Variants in SLC4A4 observed in about 807,000 individuals in gnomAD.
SLC4A4 encodes the protein solute carrier family 4 member 4.
In SLC4A4, 27 loss-of-function variants were observed where a neutral mutation model predicts 111.5. The ratio of observed to expected loss-of-function variants is 0.24; its 90% confidence interval spans 0.18 to 0.33. The LOEUF (loss-of-function observed/expected upper bound fraction) is 0.33. Among genes scored for constraint, SLC4A4 ranks in the 10% least tolerant of loss-of-function variants. The probability of loss-of-function intolerance (pLI) is 1.00; values close to 1 mark genes in which losing one functional copy is unlikely to be tolerated. For missense variants in SLC4A4, 909 were observed against 1,315.5 expected, an observed-to-expected ratio of 0.69 and a Z score of 4.78; for synonymous variants, 443 against 463.4, an observed-to-expected ratio of 0.96 and a Z score of 0.57.
At chr4:71,461,651 A>C (rs893579214) in intron 12 of SLC4A4, among the ~76,000 whole-genome samples, 31 of 152,238 alleles carry the variant, frequency 2.0e-4, no homozygotes, top group South Asian at 1.4e-3. Context: ...GTTGGCTTTT[A>C]ATTTTTTTTA....
intron 15 of SLC4A4, among the ~76,000 whole-genome samples, chr4:71,490,840 C>T (rs1269142290): frequency 6.6e-6 from 1 of 151,692 alleles, no homozygotes; most frequent in African/African-American, 2.4e-5. Flanking sequence ...ATTAAAAATT[C>T]GTTAAATAGA....
Position 71,147,144 on chromosome 4 carries a change from G to A in SLC4A4, c.-2+54352G>A, listed in dbSNP as rs140427406. Among the ~76,000 whole-genome samples, 414 of 152,246 alleles carry A rather than the reference G, an allele frequency of 2.7e-3. 1 individual carries two copies. The highest frequency in any genetic ancestry group is 9.7e-3 in the African/African-American group (404 of 41,544). On this transcript the variant is annotated intron_variant, in intron 2 of 26. Coordinates refer to the SLC4A4 transcript ENST00000649996. ...AGAAAGATCAAAAGAGACAAAGAAG[G>A]CCATTACATAATGGTAAACAAACTT...
At chr4:71,353,424 T>G (rs1352243057) in intron 5 of SLC4A4, among the ~76,000 whole-genome samples, 2 of 152,136 alleles carry the variant, frequency 1.3e-5, no homozygotes, top group Admixed American at 6.5e-5. Context: ...AAGGGCCAGA[T>G]TTCCAGAAGT....
intron 4 of SLC4A4, among the ~76,000 whole-genome samples, chr4:71,341,786 G>A (rs560437109): frequency 6.6e-6 from 1 of 152,130 alleles, no homozygotes; most frequent in South Asian, 2.1e-4. Context: ...ATTTGATAAT[G>A]GGGGAGAAGT....
chr4:71,545,452 C>T (rs1234816017), intron 18 of SLC4A4, among the ~76,000 whole-genome samples: 3 of 151,990 alleles, frequency 2.0e-5, no homozygotes, highest in Non-Finnish European at 4.4e-5. Flanking sequence ...ATGGACTGCT[C>T]TATTTTCTCA....
At chr4:71,253,494 A>C (rs765319527) in intron 2 of SLC4A4, among the ~76,000 whole-genome samples, 3 of 152,116 alleles carry the variant, frequency 2.0e-5, no homozygotes, top group Non-Finnish European at 4.4e-5. Context: ...TCAACCTCTT[A>C]ATTTGTGTGT....
chr4:71,494,358 GGCTGGCATATA>G (rs1223942544), intron 15 of SLC4A4, among the ~76,000 whole-genome samples: 2 of 151,988 alleles, frequency 1.3e-5, no homozygotes, highest in African/African-American at 4.8e-5. Flanking sequence ...CTGTAGCCCA[GGCTGGCATATA>G]GCGGCACAAT....
chr4:71,259,155 G>A (rs1721669031), intron 3 of SLC4A4, among the ~76,000 whole-genome samples: 1 of 152,092 alleles, frequency 6.6e-6, no homozygotes, highest in Admixed American at 6.6e-5. Flanking sequence ...AAACATGAAA[G>A]GGCATTTATA....
At chr4:71,511,288 GTAA>G (rs1273478280) in intron 16 of SLC4A4, among the ~76,000 whole-genome samples, 1 of 152,004 alleles carries the variant, frequency 6.6e-6, no homozygotes, top group African/African-American at 2.4e-5. Context: ...AGCATTTCTT[GTAA>G]TACAGGTCTG....
intron 13 of SLC4A4, among the ~76,000 whole-genome samples, chr4:71,467,957 G>C (rs1727532306): frequency 6.6e-6 from 1 of 151,914 alleles, no homozygotes; most frequent in African/African-American, 2.4e-5. Flanking sequence ...AGTACATCAT[G>C]GACTTATGGA....
chr4:71,537,273 T>A (rs1239618718), intron 18 of SLC4A4, among the ~76,000 whole-genome samples: 1 of 103,984 alleles, frequency 9.6e-6, no homozygotes, highest in East Asian at 2.5e-4. Flanking sequence ...TGAGTTAATA[T>A]ATAATACAAA....
chr4:71,147,331 C>T (rs1018506696), intron 2 of SLC4A4, among the ~76,000 whole-genome samples: 1 of 152,094 alleles, frequency 6.6e-6, no homozygotes, highest in Non-Finnish European at 1.5e-5. Flanking sequence ...TTCCCCTGCT[C>T]TTCCTGTCTT....
At chr4:71,359,355 G>A (rs528505447) in intron 6 of SLC4A4, among the ~76,000 whole-genome samples, 3 of 152,256 alleles carry the variant, frequency 2.0e-5, no homozygotes, top group South Asian at 4.2e-4. Flanking sequence ...TCTGAAGTGT[G>A]GAATATGATT....
Position 71,536,457 on chromosome 4 carries a change from C to CATATATAT in SLC4A4, c.2442+2076_2442+2077insTATATATA, listed in dbSNP as rs1238920856. Among the ~76,000 whole-genome samples, 272 of 31,346 alleles carry CATATATAT rather than the reference C, an allele frequency of 8.7e-3. 12 individuals carry two copies. Among genetic ancestry groups the CATATATAT allele is most frequent in the East Asian group, 0.012 (6 of 492 alleles). The allele number at this position is 31,346 out of a possible 152,430, so 20.6% of individuals were successfully genotyped here. The stretch of plus-strand genomic sequence containing the variant: ...TCATTTAAGCATATATACATATATA[C>CATATATAT]ATATATACATATATATATATATATA... On this transcript the variant is annotated intron_variant, in intron 18 of 25. Coordinates refer to ENST00000264485, the MANE Select transcript of SLC4A4 (RefSeq NM_001098484.3).
intron 23 of SLC4A4, among the ~76,000 whole-genome samples, chr4:71,563,436 G>A (rs1275423627): frequency 6.6e-6 from 1 of 151,764 alleles, no homozygotes; most frequent in African/African-American, 2.4e-5. Context: ...TATAACCTGG[G>A]AAGTTTCCTA....
intron 3 of SLC4A4, among the ~76,000 whole-genome samples, chr4:71,274,412 G>C (rs957750354): frequency 1.3e-5 from 2 of 152,150 alleles, no homozygotes; most frequent in Non-Finnish European, 2.9e-5. Context: ...TGTGCCATAT[G>C]AGATTTCCCA....
intron 15 of SLC4A4, among the ~76,000 whole-genome samples, chr4:71,495,671 A>C (rs991852105): frequency 2.6e-5 from 4 of 152,132 alleles, no homozygotes; most frequent in Non-Finnish European, 5.9e-5. Context: ...TACTCATATC[A>C]TGACAATTCA....
intron 2 of SLC4A4, among the ~76,000 whole-genome samples, chr4:71,173,537 C>T (rs546087430): frequency 2.1e-3 from 315 of 152,112 alleles, no homozygotes; most frequent in African/African-American, 7.2e-3. Flanking sequence ...CATGCCACCA[C>T]GCCAGGCTAA....
chr4:71,087,561 T>C (rs1742221744), intron 1 of SLC4A4, among the ~76,000 whole-genome samples: 1 of 152,072 alleles, frequency 6.6e-6, no homozygotes, highest in Non-Finnish European at 1.5e-5. Flanking sequence ...AATTTCCCCC[T>C]ACACACTGCT....
Sources: allele counts gnomAD v4.1 joint callset (sites outside exome capture counted in the v4.1 genomes callset), GRCh38; gene constraint gnomAD v4.1.1; transcripts MANE v1.5; gene names NCBI Gene and HGNC (gene_info 2026-07-23, HGNC 2026-07-21).